The following IQCM variants were observed in gnomAD, a reference collection of about 807,000 sequenced individuals.
The protein encoded by IQCM is IQ domain-containing protein M.
A neutral mutation model predicts 57.6 loss-of-function variants in IQCM; 45 were observed. The ratio of observed to expected loss-of-function variants is 0.78; its 90% confidence interval spans 0.62 to 1.00. The LOEUF (loss-of-function observed/expected upper bound fraction) is 1.00, where lower values mean the gene tolerates loss of function less well. IQCM is among the 50% of genes least tolerant of loss of function. The pLI is 0.00. For missense variants in IQCM, 468 were observed against 511.6 expected, an observed-to-expected ratio of 0.91 and a Z score of 0.82; for synonymous variants, 148 against 158.9, an observed-to-expected ratio of 0.93 and a Z score of 0.51.
At position 149,593,433 on chromosome 4, in the gene IQCM, T is replaced by C. The variant is rs185653537; in HGVS notation, c.682-5436A>G. On this transcript the variant is annotated intron_variant, in intron 8 of 13. Coordinates refer to ENST00000636793, the MANE Select transcript of IQCM (RefSeq NM_001363507.2). Reference sequence around the variant, plus strand: ...ACAATTTGCCTTTCTCTTTTCCTAATTGAATACCCTTTATTTCTTTATCCT... The same window carrying C: ...ACAATTTGCCTTTCTCTTTTCCTAACTGAATACCCTTTATTTCTTTATCCT... Among the ~76,000 whole-genome samples the C allele has an allele frequency of 6.3e-3, 960 of 152,232 alleles. 28 individuals carry two copies. The highest frequency in any genetic ancestry group is 0.052 in the Admixed American group (795 of 15,272).
intron 9 of IQCM, among the ~76,000 whole-genome samples, chr4:149,576,436 A>T (rs901448046): frequency 2.0e-5 from 3 of 151,844 alleles, no homozygotes; most frequent in Non-Finnish European, 2.9e-5. Flanking sequence ...TTTTGGTTAC[A>T]TGGATGAATT....
intron 8 of IQCM, among the ~76,000 whole-genome samples, chr4:149,607,446 T>C (rs1055759097): frequency 2.0e-5 from 3 of 152,114 alleles, no homozygotes; most frequent in Non-Finnish European, 2.9e-5. Flanking sequence ...AGAAATCATC[T>C]TGAAGGTATA....
intron 13 of IQCM, among the ~76,000 whole-genome samples, chr4:149,410,864 T>C (rs2080527359): frequency 6.6e-6 from 1 of 152,192 alleles, no homozygotes. Flanking sequence ...ACAGGATAGA[T>C]GTTATTGATT....
chr4:149,808,428 T>C (rs904549086), intron 2 of IQCM, among the ~76,000 whole-genome samples: 6 of 152,134 alleles, frequency 3.9e-5, no homozygotes, highest in Non-Finnish European at 1.5e-5. Flanking sequence ...AAAAGTTGGC[T>C]AATGAGTACA....
chr4:149,562,857 G>T (rs1012354435), intron 10 of IQCM, among the ~76,000 whole-genome samples: 1 of 152,198 alleles, frequency 6.6e-6, no homozygotes, highest in Non-Finnish European at 1.5e-5. Context: ...CATTGTCAGA[G>T]AAATGTGTTC....
chr4:149,704,045 T>C (rs141031621), intron 5 of IQCM, among the ~76,000 whole-genome samples: 4 of 151,980 alleles, frequency 2.6e-5, no homozygotes, highest in African/African-American at 9.6e-5. Flanking sequence ...TTTCTAATCT[T>C]TTTTGCATAC....
At chr4:149,568,931 A>G (rs1750894594) in intron 9 of IQCM, among the ~76,000 whole-genome samples, 1 of 152,132 alleles carries the variant, frequency 6.6e-6, no homozygotes, top group South Asian at 2.1e-4. Flanking sequence ...CTATTCACCT[A>G]CTCTAGGACT....
At chr4:149,781,670 T>C (rs562425029) in intron 2 of IQCM, among the ~76,000 whole-genome samples, 1 of 152,192 alleles carries the variant, frequency 6.6e-6, no homozygotes, top group Non-Finnish European at 1.5e-5. Flanking sequence ...ATATATAGGA[T>C]TCAGTACTCT....
chr4:149,380,918 G>T (rs1381596219), intron 13 of IQCM, among the ~76,000 whole-genome samples: 2 of 152,074 alleles, frequency 1.3e-5, no homozygotes, highest in East Asian at 1.9e-4. Context: ...TGAGAAAAAA[G>T]TTTCTTTAAT....
intron 5 of IQCM, among the ~76,000 whole-genome samples, chr4:149,697,110 TTAAA>T (rs1763398110): frequency 6.6e-6 from 1 of 152,144 alleles, no homozygotes. Flanking sequence ...TCTACCACTC[TTAAA>T]TAAATCAATT....
At position 149,815,318 on chromosome 4, in the gene IQCM, T is replaced by C. The variant is rs1580367316; in HGVS notation, c.-56A>G. Reference sequence around the variant, plus strand: ...TATATTAGTAACTTCTACCTTAAAGTTTTTCATTCCAAGGTCATTTGTTCT... The same window carrying C: ...TATATTAGTAACTTCTACCTTAAAGCTTTTCATTCCAAGGTCATTTGTTCT... On this transcript the variant is annotated 5_prime_UTR_variant, in exon 2 of 14. Transcript: ENST00000636793. 6.6e-6 allele frequency: 1 copy of C among 151,854 alleles called. No individual in the cohort carries two copies. Among genetic ancestry groups the C allele is most frequent in the East Asian group, 1.9e-4 (1 of 5,182 alleles). 9.4% of individuals were successfully genotyped at this position (151,854 alleles called of 1,614,324 possible).
intron 7 of IQCM, among the ~76,000 whole-genome samples, chr4:149,681,386 T>G (rs1467010354): frequency 2.0e-5 from 3 of 151,262 alleles, no homozygotes; most frequent in Non-Finnish European, 4.5e-5. Flanking sequence ...TTTGACAGCA[T>G]ATTCACAAAT....
intron 7 of IQCM, 111 bp downstream of exon 7, chr4:149,682,007 A>G (rs1050127578): frequency 2.1e-5 from 9 of 426,434 alleles, no homozygotes; most frequent in Non-Finnish European, 2.8e-5. Context: ...GTTTGAAATG[A>G]AAATAAAGGA....
intron 13 of IQCM, among the ~76,000 whole-genome samples, chr4:149,401,445 T>C (rs2111131407): frequency 6.6e-6 from 1 of 151,874 alleles, no homozygotes; most frequent in East Asian, 1.9e-4. Context: ...TTTCAGGAGA[T>C]TCAGAATTTC....
chr4:149,661,993 T>A (rs886919397), intron 7 of IQCM, among the ~76,000 whole-genome samples: 1 of 151,962 alleles, frequency 6.6e-6, no homozygotes, highest in Admixed American at 6.6e-5. Flanking sequence ...TTAGGTTTAG[T>A]TTTTCTTGGT....
At chr4:149,572,747 C>T (rs1751282718) in intron 9 of IQCM, among the ~76,000 whole-genome samples, 1 of 151,740 alleles carries the variant, frequency 6.6e-6, no homozygotes, top group African/African-American at 2.4e-5. Context: ...TAATTAGAAA[C>T]ATACATATAG....
At chr4:149,594,361 G>A (rs1226178667) in intron 8 of IQCM, among the ~76,000 whole-genome samples, 1 of 151,820 alleles carries the variant, frequency 6.6e-6, no homozygotes, top group Non-Finnish European at 1.5e-5. Context: ...TTCTTTATTA[G>A]TCTTGCTAGC....
intron 7 of IQCM, among the ~76,000 whole-genome samples, chr4:149,628,223 G>C (rs1025744275): frequency 3.3e-5 from 5 of 151,796 alleles, no homozygotes; most frequent in Non-Finnish European, 7.4e-5. Context: ...TAGACCCAGG[G>C]GAAAATTATA....
intron 3 of IQCM, chr4:149,737,792 C>T (rs928838292): frequency 2.0e-5 from 3 of 152,308 alleles, no homozygotes; most frequent in Non-Finnish European, 4.4e-5. Context: ...GCATTTACTT[C>T]ATGGAGGAAA....
Sources: allele counts gnomAD v4.1 joint callset (sites outside exome capture counted in the v4.1 genomes callset), GRCh38; gene constraint gnomAD v4.1.1; transcripts MANE v1.5; gene names NCBI Gene and HGNC (gene_info 2026-07-23, HGNC 2026-07-21).